Variants in CSNK2A2IP observed in about 807,000 individuals in gnomAD.
The protein encoded by CSNK2A2IP is casein kinase II subunit alpha'-interacting protein.
At chr3:88,385,586 G>A in the CSNK2A2IP span, among the ~76,000 whole-genome samples, 1 of 152,110 alleles carries the variant, frequency 6.6e-6, no homozygotes, top group Admixed American at 6.5e-5. Flanking sequence ...GTTCAAAAAT[G>A]TTTATTTTTA....
the CSNK2A2IP span, among the ~76,000 whole-genome samples, chr3:88,437,088 T>C: frequency 2.0e-5 from 3 of 152,132 alleles, no homozygotes; most frequent in Admixed American, 2.0e-4. Context: ...AAATGTACTA[T>C]TAATTACAGA....
the CSNK2A2IP span, among the ~76,000 whole-genome samples, chr3:88,404,773 G>T: frequency 1.4e-4 from 18 of 124,348 alleles, 2 homozygotes; most frequent in Admixed American, 3.9e-4. Context: ...AAACATCACC[G>T]CTCTCTGCCT....
the CSNK2A2IP span, chr3:88,465,788 A>G: frequency 7.3e-6 from 9 of 1,231,558 alleles, 1 homozygote; most frequent in South Asian, 2.9e-4. Context: ...CTGGAGCTCA[A>G]TCAAGCAGCC....
At chr3:88,447,776 A>T in the CSNK2A2IP span, among the ~76,000 whole-genome samples, 1 of 152,090 alleles carries the variant, frequency 6.6e-6, no homozygotes, top group Non-Finnish European at 1.5e-5. Context: ...GAATATCGTC[A>T]GAATACTTAT....
the CSNK2A2IP span, among the ~76,000 whole-genome samples, chr3:88,365,960 T>C: frequency 6.6e-6 from 1 of 152,140 alleles, no homozygotes; most frequent in East Asian, 1.9e-4. Flanking sequence ...TTTACTTAAA[T>C]TTTCTGATGA....
At chr3:88,430,037 A>G in the CSNK2A2IP span, among the ~76,000 whole-genome samples, 72 of 152,176 alleles carry the variant, frequency 4.7e-4, no homozygotes, top group Non-Finnish European at 6.2e-4. Flanking sequence ...CTGGGAGTAC[A>G]GGCGTGAGCC....
At chr3:88,384,389 A>G in the CSNK2A2IP span, among the ~76,000 whole-genome samples, 15 of 152,012 alleles carry the variant, frequency 9.9e-5, no homozygotes, top group Admixed American at 9.8e-4. Context: ...CAAAAAAACA[A>G]AAAACACTAG....
the CSNK2A2IP span, among the ~76,000 whole-genome samples, chr3:88,344,303 A>G: frequency 2.0e-5 from 3 of 151,922 alleles, no homozygotes; most frequent in Non-Finnish European, 2.9e-5. Context: ...TTAAATGTTT[A>G]TATTTTTTTA....
the CSNK2A2IP span, among the ~76,000 whole-genome samples, chr3:88,446,556 G>A: frequency 6.6e-6 from 1 of 152,138 alleles, no homozygotes; most frequent in South Asian, 2.1e-4. Context: ...TACTGCCACA[G>A]TGAATGCTTT....
the CSNK2A2IP span, among the ~76,000 whole-genome samples, chr3:88,437,748 T>A: frequency 6.6e-6 from 1 of 152,208 alleles, no homozygotes; most frequent in African/African-American, 2.4e-5. Flanking sequence ...ACAGGTGTTT[T>A]ATTCAGGAGT....
chr3:88,389,038 T>C, the CSNK2A2IP span, among the ~76,000 whole-genome samples: 2 of 152,042 alleles, frequency 1.3e-5, no homozygotes, highest in South Asian at 2.1e-4. Context: ...CCAAAAGCCG[T>C]GCCCTCATTT....
chr3:88,363,215 G>C, the CSNK2A2IP span, among the ~76,000 whole-genome samples: 1 of 152,058 alleles, frequency 6.6e-6, no homozygotes, highest in Non-Finnish European at 1.5e-5. Flanking sequence ...TGTTAAATTA[G>C]AACATTTAGA....
the CSNK2A2IP span, among the ~76,000 whole-genome samples, chr3:88,347,262 A>C: frequency 6.6e-6 from 1 of 152,038 alleles, no homozygotes; most frequent in Non-Finnish European, 1.5e-5. Context: ...AGAATATTAC[A>C]TTAACTTAGT....
the CSNK2A2IP span, among the ~76,000 whole-genome samples, chr3:88,388,986 G>A: frequency 0.92 from 139,640 of 151,676 alleles, 65,082 homozygotes; most frequent in South Asian, 1. Flanking sequence ...CAATGAACCA[G>A]CAGACCAAAA....
At chr3:88,437,248 A>G in the CSNK2A2IP span, among the ~76,000 whole-genome samples, 1 of 152,152 alleles carries the variant, frequency 6.6e-6, no homozygotes, top group African/African-American at 2.4e-5. Flanking sequence ...GTCTGCAGCC[A>G]GCTATCTGTT....
chr3:88,401,799 A>G, the CSNK2A2IP span, among the ~76,000 whole-genome samples: 5 of 152,212 alleles, frequency 3.3e-5, no homozygotes, highest in South Asian at 1.0e-3. Context: ...AGAAGGAAAA[A>G]AGAAGAACAC....
chr3:88,422,369 CACAGGGCCTGGTACATAGTGA>C, the CSNK2A2IP span, among the ~76,000 whole-genome samples: 1 of 152,132 alleles, frequency 6.6e-6, no homozygotes, highest in Non-Finnish European at 1.5e-5. Flanking sequence ...TGGTGCCTAT[CACAGGGCCTGGTACATAGTGA>C]ATACTCAGTA....
At chr3:88,454,498 C>A in the CSNK2A2IP span, among the ~76,000 whole-genome samples, 1 of 151,732 alleles carries the variant, frequency 6.6e-6, no homozygotes, top group East Asian at 1.9e-4. Context: ...TGCTCAACCC[C>A]AAATCACAAA....
chr3:88,368,166 T>C, the CSNK2A2IP span, among the ~76,000 whole-genome samples: 62,551 of 151,742 alleles, frequency 0.41, 14,836 homozygotes, highest in South Asian at 0.6. Context: ...TGCAGCCAAA[T>C]TGAGATGTCT....
Sources: allele counts gnomAD v4.1 joint callset (sites outside exome capture counted in the v4.1 genomes callset), GRCh38; gene constraint gnomAD v4.1.1; transcripts MANE v1.5; gene names NCBI Gene and HGNC (gene_info 2026-07-23, HGNC 2026-07-21).